PPARGC1A: variants seen among roughly 807,000 people sequenced by gnomAD.
The protein encoded by PPARGC1A is peroxisome proliferator-activated receptor gamma coactivator 1-alpha.
Under a neutral mutation model 88.7 loss-of-function variants are expected in PPARGC1A, and 25 were observed. The observed-to-expected ratio is 0.28, with a 90% CI of 0.21 to 0.39. The LOEUF is 0.39. Among genes scored for constraint, PPARGC1A ranks in the 10% least tolerant of loss-of-function variants. The pLI, the probability that PPARGC1A is intolerant of heterozygous loss-of-function variation, is 1.00. For missense variants in PPARGC1A, 880 were observed against 968.7 expected, an observed-to-expected ratio of 0.91 and a Z score of 1.22; for synonymous variants, 363 against 355.6, an observed-to-expected ratio of 1.02 and a Z score of -0.24.
the PPARGC1A span, among the ~76,000 whole-genome samples, chr4:24,175,998 A>C: frequency 2.0e-5 from 3 of 152,046 alleles, no homozygotes; most frequent in Admixed American, 2.0e-4. Context: ...CCAACTAGAA[A>C]GACAACGAAT....
At chr4:24,330,965 C>T in the PPARGC1A span, among the ~76,000 whole-genome samples, 1 of 152,190 alleles carries the variant, frequency 6.6e-6, no homozygotes, top group African/African-American at 2.4e-5. Context: ...ATCATGATCC[C>T]CTCTCTGAAT....
At chr4:24,089,667 C>T in the PPARGC1A span, among the ~76,000 whole-genome samples, 23 of 151,986 alleles carry the variant, frequency 1.5e-4, no homozygotes, top group Non-Finnish European at 3.1e-4. Context: ...CCCGCCGCCA[C>T]GCCCGGCTAA....
the PPARGC1A span, among the ~76,000 whole-genome samples, chr4:23,984,638 A>G: frequency 6.6e-6 from 1 of 152,140 alleles, no homozygotes; most frequent in Non-Finnish European, 1.5e-5. Flanking sequence ...GTGTATAATC[A>G]TGTATCACTT....
the PPARGC1A span, among the ~76,000 whole-genome samples, chr4:24,393,924 G>A: frequency 5.1e-4 from 77 of 152,306 alleles, 1 homozygote; most frequent in African/African-American, 1.8e-3. Context: ...TTTGAGACCA[G>A]CCTGGGCAAC....
At chr4:24,091,864 AG>A in the PPARGC1A span, among the ~76,000 whole-genome samples, 3 of 151,756 alleles carry the variant, frequency 2.0e-5, no homozygotes, top group South Asian at 6.2e-4. Context: ...GGAAGTGTGC[AG>A]GCTTGCTCTA....
chr4:24,065,870 C>T, the PPARGC1A span, among the ~76,000 whole-genome samples: 1 of 152,178 alleles, frequency 6.6e-6, no homozygotes, highest in Non-Finnish European at 1.5e-5. Flanking sequence ...ACCCCCTGTG[C>T]TGTGCCCTTT....
At chr4:24,139,958 AAAAC>A in the PPARGC1A span, among the ~76,000 whole-genome samples, 1 of 152,198 alleles carries the variant, frequency 6.6e-6, no homozygotes, top group Non-Finnish European at 1.5e-5. Context: ...GCCTTTCCAA[AAAAC>A]AAACAAACAA....
At chr4:24,389,623 G>A in the PPARGC1A span, among the ~76,000 whole-genome samples, 7 of 152,182 alleles carry the variant, frequency 4.6e-5, no homozygotes, top group Non-Finnish European at 1.0e-4. Context: ...AAGGATACAC[G>A]AAGAATCAGA....
intron 2 of PPARGC1A, among the ~76,000 whole-genome samples, chr4:23,882,396 G>A (rs1411151914): frequency 2.6e-5 from 4 of 152,100 alleles, no homozygotes; most frequent in African/African-American, 9.7e-5. Flanking sequence ...TTAAAAGCAG[G>A]GTTTTTCAAC....
At chr4:24,016,668 C>T in the PPARGC1A span, among the ~76,000 whole-genome samples, 2 of 152,162 alleles carry the variant, frequency 1.3e-5, no homozygotes, top group Non-Finnish European at 2.9e-5. Flanking sequence ...GGAAACTAGA[C>T]AGGCCCCAAT....
At chr4:23,916,538 C>T in the PPARGC1A span, among the ~76,000 whole-genome samples, 7 of 152,192 alleles carry the variant, frequency 4.6e-5, no homozygotes, top group East Asian at 1.4e-3. Flanking sequence ...GCTAGATGCA[C>T]ACGATATACT....
the PPARGC1A span, among the ~76,000 whole-genome samples, chr4:24,109,451 C>T: frequency 3.1e-4 from 47 of 152,088 alleles, no homozygotes; most frequent in Admixed American, 3.3e-4. Flanking sequence ...CACTTGGTAT[C>T]TCTAGCATCT....
chr4:24,326,590 C>T, the PPARGC1A span, among the ~76,000 whole-genome samples: 110 of 152,282 alleles, frequency 7.2e-4, 1 homozygote, highest in African/African-American at 2.6e-3. Context: ...TCACAGACAG[C>T]CCCCATTACT....
the PPARGC1A span, among the ~76,000 whole-genome samples, chr4:24,103,223 G>C: frequency 2.0e-5 from 3 of 152,102 alleles, no homozygotes; most frequent in African/African-American, 7.2e-5. Context: ...AGCCTTGGCC[G>C]AGTGGGTAGT....
the PPARGC1A span, among the ~76,000 whole-genome samples, chr4:23,973,151 T>C: frequency 6.6e-6 from 1 of 152,132 alleles, no homozygotes; most frequent in Non-Finnish European, 1.5e-5. Flanking sequence ...TTTTTATCAC[T>C]GGCCAATGTT....
chr4:24,136,466 G>T, the PPARGC1A span, among the ~76,000 whole-genome samples: 1 of 152,216 alleles, frequency 6.6e-6, no homozygotes, highest in East Asian at 1.9e-4. Context: ...AACCCTCTCC[G>T]AAAGTCACGA....
the PPARGC1A span, among the ~76,000 whole-genome samples, chr4:23,964,395 C>T: frequency 6.6e-6 from 1 of 152,082 alleles, no homozygotes; most frequent in South Asian, 2.1e-4. Flanking sequence ...AGCATGGTGA[C>T]CAGTATGATG....
the PPARGC1A span, among the ~76,000 whole-genome samples, chr4:24,072,980 T>G: frequency 6.6e-6 from 1 of 152,190 alleles, no homozygotes; most frequent in South Asian, 2.1e-4. Context: ...ACTTGATTCT[T>G]AATGACTTAT....
At chr4:24,348,894 A>G in the PPARGC1A span, among the ~76,000 whole-genome samples, 1 of 152,044 alleles carries the variant, frequency 6.6e-6, no homozygotes, top group East Asian at 1.9e-4. Context: ...CATATTACCA[A>G]GGTTGGTTTT....
Sources: allele counts gnomAD v4.1 joint callset (sites outside exome capture counted in the v4.1 genomes callset), GRCh38; gene constraint gnomAD v4.1.1; transcripts MANE v1.5; gene names NCBI Gene and HGNC (gene_info 2026-07-23, HGNC 2026-07-21).